Variants in LRP8 observed in about 807,000 individuals in gnomAD.
The protein encoded by LRP8 is low-density lipoprotein receptor-related protein 8.
In LRP8, 46 loss-of-function variants were observed where a neutral mutation model predicts 111.6. That is an observed-to-expected ratio of 0.41 (90% CI 0.33 to 0.53). LRP8 has a LOEUF of 0.53. Among genes scored for constraint, LRP8 ranks in the 20% least tolerant of loss-of-function variants. The pLI, the probability that LRP8 is intolerant of heterozygous loss-of-function variation, is 0.20. For missense variants in LRP8, 959 were observed against 1,297.4 expected, an observed-to-expected ratio of 0.74 and a Z score of 4.01; for synonymous variants, 464 against 511.2, an observed-to-expected ratio of 0.91 and a Z score of 1.24.
rs1401480280 is a variant in LRP8, at chr1:53,255,066, G to A, written c.2503+51C>T. ...TCTACCCTGCTAGCGCTCTTCCCTA[G>A]GCCTAAGCAGGGTCTCTCTTTTCTC... On this transcript the variant is annotated intron_variant, in intron 16 of 18. Coordinates refer to ENST00000306052, the MANE Select transcript of LRP8 (RefSeq NM_004631.5). The A allele has an allele frequency of 3.8e-6, 6 of 1,584,250 alleles. 1 individual carries two copies. In the African/African-American group the frequency reaches 5.4e-5, roughly 14 times the overall value.
Position 53,242,960 on chromosome 1 carries a change from A to G in LRP8, c.*4058T>C, listed in dbSNP as rs1485010457. 1 of 152,126 alleles carries G rather than the reference A, an allele frequency of 6.6e-6. No individual in the cohort carries two copies. Among genetic ancestry groups the G allele is most frequent in the African/African-American group, 2.4e-5 (1 of 41,438 alleles). 9.4% of individuals were successfully genotyped at this position (152,126 alleles called of 1,614,324 possible). On this transcript the variant is annotated 3_prime_UTR_variant, in exon 19 of 19. Coordinates refer to ENST00000306052, the MANE Select transcript of LRP8 (RefSeq NM_004631.5). ...TAATTCTTGACTGTGCACATGGTGCATAGCCTGAATGAACAGAGCTTCCTG... is the reference window on the plus strand; with the variant it reads ...TAATTCTTGACTGTGCACATGGTGCGTAGCCTGAATGAACAGAGCTTCCTG...
intron 2 of LRP8, among the ~76,000 whole-genome samples, chr1:53,300,879 T>C (rs1218780823): frequency 2.0e-5 from 3 of 152,120 alleles, no homozygotes; most frequent in Non-Finnish European, 2.9e-5. Flanking sequence ...TGGGGTGACA[T>C]TGGACATGCC....
intron 2 of LRP8, among the ~76,000 whole-genome samples, chr1:53,291,433 A>C (rs966035750): frequency 6.6e-6 from 1 of 151,880 alleles, no homozygotes; most frequent in African/African-American, 2.4e-5. Flanking sequence ...CCCTCCTCAT[A>C]CTTCCCAATC....
At chr1:53,326,770 G>C in intron 2 of LRP8, 103 bp downstream of exon 2, 1 of 1,490,242 alleles carries the variant, frequency 6.7e-7, no homozygotes, top group Non-Finnish European at 8.9e-7. Flanking sequence ...CAAGTCCCGC[G>C]CAGGTGGCAG....
At chr1:53,260,847 C>T (rs1478200494) in intron 12 of LRP8, among the ~76,000 whole-genome samples, 1 of 152,206 alleles carries the variant, frequency 6.6e-6, no homozygotes, top group East Asian at 1.9e-4. Flanking sequence ...CAACATTACT[C>T]ATTCATGCTG....
At chr1:53,261,566 G>A (rs1166359629) in intron 12 of LRP8, among the ~76,000 whole-genome samples, 2 of 152,310 alleles carry the variant, frequency 1.3e-5, no homozygotes, top group Non-Finnish European at 2.9e-5. Context: ...GGGCACAGGA[G>A]GGTCTTCGCT....
intron 2 of LRP8, among the ~76,000 whole-genome samples, chr1:53,300,578 C>T (rs1224222980): frequency 6.6e-6 from 1 of 152,220 alleles, no homozygotes; most frequent in East Asian, 1.9e-4. Flanking sequence ...GATCTGCGGC[C>T]CCACTGGCCA....
At chr1:53,282,263 G>A (rs561783699) in intron 3 of LRP8, among the ~76,000 whole-genome samples, 1 of 152,314 alleles carries the variant, frequency 6.6e-6, no homozygotes, top group South Asian at 2.1e-4. Flanking sequence ...TTATCCCTAG[G>A]AATGCATTTC....
At chr1:53,255,061 C>T in intron 16 of LRP8, 56 bp downstream of exon 16, 1 of 1,576,682 alleles carries the variant, frequency 6.3e-7, no homozygotes, top group Non-Finnish European at 8.7e-7. Flanking sequence ...TAGCGCTCTT[C>T]CCTAGGCCTA....
At chr1:53,289,541 C>A (rs1271402919) in intron 3 of LRP8, 26 bp downstream of exon 3, 1 of 1,581,200 alleles carries the variant, frequency 6.3e-7, no homozygotes, top group Non-Finnish European at 8.6e-7. Context: ...GGCCCACCCC[C>A]ACCCAGACTG....
rs117395724 is a variant in LRP8, at chr1:53,299,090, C to T, written c.245-9401G>A. Reference sequence around the variant, plus strand: ...GATTCAAGAACCCACGAGGCGCAGACACTCCTCTGGTGGAGCGAATGATTG... The same window carrying T: ...GATTCAAGAACCCACGAGGCGCAGATACTCCTCTGGTGGAGCGAATGATTG... On this transcript the variant is annotated intron_variant, in intron 2 of 18. Coordinates refer to ENST00000306052, the MANE Select transcript of LRP8 (RefSeq NM_004631.5). Among the ~76,000 whole-genome samples, 354 of 152,352 alleles carry T rather than the reference C, an allele frequency of 2.3e-3. 8 individuals are homozygous for T. Among genetic ancestry groups the T allele is most frequent in the Admixed American group, 0.015 (235 of 15,304 alleles).
At position 53,260,500 on chromosome 1, in the gene LRP8, C is replaced by T. The variant is rs1315504455; in HGVS notation, c.2020G>A (p.Asp674Asn). 6.2e-7 allele frequency: 1 copy of T among 1,614,194 alleles called. No homozygotes were observed. The highest frequency in any genetic ancestry group is 1.1e-5 in the South Asian group (1 of 91,080). The change falls in exon 13 of 19, where the codon GAC (aspartate) becomes AAC (asparagine). Residue 674 changes from aspartate to asparagine, a missense_variant. Coordinates refer to ENST00000306052, the MANE Select transcript of LRP8 (RefSeq NM_004631.5). Reference sequence around the variant, plus strand: ...TTCAGCTCATGGAAGATGACAATGTCATGTGGGTTGTTGAGGTTCTCAGCC... The same window carrying T: ...TTCAGCTCATGGAAGATGACAATGTTATGTGGGTTGTTGAGGTTCTCAGCC... ...ILAENLNNPH[D>N]IVIFHELKQP...
At chr1:53,253,717 T>C (rs1269900336) in intron 16 of LRP8, among the ~76,000 whole-genome samples, 1 of 152,206 alleles carries the variant, frequency 6.6e-6, no homozygotes, top group Admixed American at 6.5e-5. Flanking sequence ...CCATCATCTT[T>C]CCTGGTGAAG....
At chr1:53,256,725 A>T (rs1324414074) in intron 15 of LRP8, among the ~76,000 whole-genome samples, 1 of 152,248 alleles carries the variant, frequency 6.6e-6, no homozygotes, top group African/African-American at 2.4e-5. Context: ...TGGTGAACTT[A>T]ATTATTTTCA....
intron 10 of LRP8, among the ~76,000 whole-genome samples, chr1:53,263,113 G>C (rs74467845): frequency 6.6e-6 from 1 of 152,150 alleles, no homozygotes; most frequent in Non-Finnish European, 1.5e-5. Context: ...CTGACGATCC[G>C]CAGTGGATTG....
intron 16 of LRP8, among the ~76,000 whole-genome samples, chr1:53,253,565 T>A (rs528879646): frequency 2.0e-4 from 31 of 152,258 alleles, no homozygotes; most frequent in African/African-American, 7.2e-4. Context: ...TAGCAGAAAT[T>A]AAAAATATTG....
In LRP8 at chr1:53,266,424, C is replaced by T; in HGVS notation, c.1427+49G>A. The T allele has an allele frequency of 6.3e-7, 1 of 1,590,958 alleles. No homozygotes were observed. On this transcript the variant is annotated intron_variant, in intron 9 of 18. Transcript: ENST00000306052. The surrounding 1 kb of genome is among the most constrained non-coding windows in gnomAD (Gnocchi z 5.0). ...TCCTCCCCTCCTCACCTGTCACCAC[C>T]CCTCACCCCCACTCTTCATGCCTTG...
rs371130583 is a variant in LRP8, at chr1:53,247,003, G to A, written c.*15C>T. ...GGACTGAATTCCATGAGGCACGAAG[G>A]GGGTGATCCCATCCTCAGGGTAGTC... On this transcript the variant is annotated 3_prime_UTR_variant, in exon 19 of 19. Coordinates refer to ENST00000306052, the MANE Select transcript of LRP8 (RefSeq NM_004631.5). The A allele has an allele frequency of 1.7e-5, 27 of 1,604,644 alleles. No individual in the cohort carries two copies. The Middle Eastern group carries it at 8.2e-4, about 49-fold the overall frequency.
Position 53,276,928 on chromosome 1 carries a change from T to C in LRP8, c.647A>G (p.Asp216Gly), listed in dbSNP as rs1317247360. 6.9e-7 allele frequency: 1 copy of C among 1,445,090 alleles called. No homozygotes were observed. 89.5% of individuals were successfully genotyped at this position (1,445,090 alleles called of 1,614,324 possible). Residue 216 changes from aspartate (D) to glycine (G), a missense_variant, in exon 5 of 19, where the codon GAT becomes GGT. Asp to Gly is a moderately conservative substitution (Grantham distance 94, BLOSUM62 -1). Transcript: ENST00000306052. Reference protein sequence around the residue: ...CGPREFRCGGDGGGACIPERW... With the variant: ...CGPREFRCGGGGGGACIPERW... ...CTCCGGGATGCAGGCGCCGCCGCCA[T>C]CGCCGCCGCAGCGGAACTCGCGGGG...
Sources: allele counts gnomAD v4.1 joint callset (sites outside exome capture counted in the v4.1 genomes callset), GRCh38; gene constraint gnomAD v4.1.1; non-coding constraint Gnocchi (gnomAD v3.1); transcripts MANE v1.5; gene names NCBI Gene and HGNC (gene_info 2026-07-23, HGNC 2026-07-21).